The following ZNF521 variants were observed in gnomAD, a reference collection of about 807,000 sequenced individuals.
ZNF521 encodes the protein LYST-interacting protein 3.
Under a neutral mutation model 105.5 loss-of-function variants are expected in ZNF521, and 14 were observed. That is an observed-to-expected ratio of 0.13 (90% CI 0.09 to 0.21). The LOEUF is 0.21. Among genes scored for constraint, ZNF521 ranks in the 10% least tolerant of loss-of-function variants. The pLI, the probability that ZNF521 is intolerant of heterozygous loss-of-function variation, is 1.00. For missense variants in ZNF521, 1,233 were observed against 1,629.7 expected (o/e 0.76, Z 4.19); for synonymous variants, 635 against 606.0 (o/e 1.05, Z -0.70).
chr18:25,296,196 T>C (rs566532700), intron 3 of ZNF521, among the ~76,000 whole-genome samples: 10 of 152,292 alleles, frequency 6.6e-5, no homozygotes, highest in African/African-American at 2.2e-4. Context: ...ATTTACAAAA[T>C]TCTATGTAGC....
intron 7 of ZNF521, among the ~76,000 whole-genome samples, chr18:25,065,252 G>C (rs2033025694): frequency 6.6e-6 from 1 of 152,072 alleles, no homozygotes; most frequent in Non-Finnish European, 1.5e-5. Flanking sequence ...ACCTCCAAAT[G>C]GGAAAATCCA....
chr18:25,270,189 T>G (rs1909556840), intron 3 of ZNF521, among the ~76,000 whole-genome samples: 1 of 152,090 alleles, frequency 6.6e-6, no homozygotes, highest in African/African-American at 2.4e-5. Flanking sequence ...CTAGAAGAAA[T>G]GGATAAATTC....
At chr18:25,248,641 C>T (rs1468835597) in intron 3 of ZNF521, among the ~76,000 whole-genome samples, 1 of 152,134 alleles carries the variant, frequency 6.6e-6, no homozygotes, top group Non-Finnish European at 1.5e-5. Flanking sequence ...GATAAAGAAC[C>T]TTTACACACC....
intron 5 of ZNF521, among the ~76,000 whole-genome samples, chr18:25,138,644 A>G (rs2034782236): frequency 1.3e-5 from 2 of 152,212 alleles, no homozygotes; most frequent in Admixed American, 1.3e-4. Flanking sequence ...TGATCAAAAA[A>G]TAATAGTTGC....
Position 25,089,564 on chromosome 18 carries a change from G to A in ZNF521, c.3807C>T (p.Asn1269=). Residue 1269 remains asparagine, a synonymous_variant, in exon 7 of 8, where the codon AAC becomes AAT. Transcript: ENST00000361524. ...CAGAGAAAATATGCTGCTGCAACTTGTTTGCTTGAACAAATACTGAAATGA... is the reference window on the plus strand; with the variant it reads ...CAGAGAAAATATGCTGCTGCAACTTATTTGCTTGAACAAATACTGAAATGA... The part of the protein sequence containing the change: ...PVCFTVFVQA[N]KLQQHIFSAH... The A allele has an allele frequency of 1.2e-6, 2 of 1,613,790 alleles. No individual in the cohort carries two copies. The highest frequency in any genetic ancestry group is 1.7e-6 in the Non-Finnish European group (2 of 1,179,700).
chr18:25,191,400 T>C (rs1178901008), intron 5 of ZNF521, among the ~76,000 whole-genome samples: 1 of 152,090 alleles, frequency 6.6e-6, no homozygotes, highest in Non-Finnish European at 1.5e-5. Context: ...CCTTTGATCA[T>C]TCCTTTGTCA....
chr18:25,212,859 T>C (rs1820750736), intron 4 of ZNF521, among the ~76,000 whole-genome samples: 1 of 151,538 alleles, frequency 6.6e-6, no homozygotes, highest in African/African-American at 2.4e-5. Flanking sequence ...GTTTTGCTAG[T>C]GAATAAAAAT....
intron 5 of ZNF521, among the ~76,000 whole-genome samples, chr18:25,117,363 A>G (rs1224314148): frequency 6.6e-6 from 1 of 152,086 alleles, no homozygotes; most frequent in Non-Finnish European, 1.5e-5. Flanking sequence ...ATGTATCAGA[A>G]TCCATCGTAT....
intron 3 of ZNF521, among the ~76,000 whole-genome samples, chr18:25,310,176 G>A (rs1373608547): frequency 6.6e-6 from 1 of 152,104 alleles, no homozygotes; most frequent in Non-Finnish European, 1.5e-5. Context: ...AGATGGATGA[G>A]TCTTCATTAC....
chr18:25,349,480 G>C (rs894395268), intron 2 of ZNF521, among the ~76,000 whole-genome samples: 2 of 152,204 alleles, frequency 1.3e-5, no homozygotes, highest in South Asian at 2.1e-4. Context: ...TAGGAAAAAA[G>C]CAAGCGTTCC....
At chr18:25,077,953 TTTACTC>T (rs1053982919) in intron 7 of ZNF521, among the ~76,000 whole-genome samples, 2 of 152,064 alleles carry the variant, frequency 1.3e-5, no homozygotes, top group Non-Finnish European at 2.9e-5. Flanking sequence ...AAAAAAAACA[TTTACTC>T]TGCTCTTCTT....
At chr18:25,107,133 A>T (rs12961566) in intron 5 of ZNF521, among the ~76,000 whole-genome samples, 69,410 of 152,054 alleles carry the variant, frequency 0.46, 16,317 homozygotes, top group South Asian at 0.67. Context: ...ATAGGTTATT[A>T]ATCCTTGCCT....
intron 7 of ZNF521, among the ~76,000 whole-genome samples, chr18:25,074,076 G>A (rs542993441): frequency 6.5e-5 from 9 of 138,712 alleles, no homozygotes; most frequent in Admixed American, 2.8e-4. Context: ...GCGTGTGTGC[G>A]TGCGTGTGTG....
At chr18:25,320,760 G>GCC (rs1912896017) in intron 3 of ZNF521, among the ~76,000 whole-genome samples, 2 of 152,074 alleles carry the variant, frequency 1.3e-5, no homozygotes, top group Non-Finnish European at 2.9e-5. Context: ...TTGCTCCCTA[G>GCC]AAGCATATAT....
intron 5 of ZNF521, among the ~76,000 whole-genome samples, chr18:25,142,557 G>A (rs2034868778): frequency 6.6e-6 from 1 of 151,974 alleles, no homozygotes; most frequent in South Asian, 2.1e-4. Context: ...CTTTTCTGAT[G>A]ACAAGGAGAA....
chr18:25,329,339 C>T (rs1203508182), intron 2 of ZNF521, among the ~76,000 whole-genome samples: 1 of 152,110 alleles, frequency 6.6e-6, no homozygotes, highest in Non-Finnish European at 1.5e-5. Flanking sequence ...CATGACAAGG[C>T]CTGACTGGCA....
rs2033456378 is a variant in ZNF521 at position 25,079,987 on chromosome 18, A to G, written c.3906+9478T>C. Among the ~76,000 whole-genome samples, 3 of 152,232 alleles carry G rather than the reference A, an allele frequency of 2.0e-5. No homozygotes were observed. The South Asian group carries it at 6.2e-4, about 32-fold the overall frequency. The stretch of plus-strand genomic sequence containing the variant: ...ACAATTATAAAATTAAGTTTTGGCA[A>G]TGTGAAAAAGGAAGTCTTTTATGGG... On this transcript the variant is annotated intron_variant, in intron 7 of 7. Coordinates refer to ENST00000361524, the MANE Select transcript of ZNF521 (RefSeq NM_015461.3).
intron 4 of ZNF521, among the ~76,000 whole-genome samples, chr18:25,204,241 T>C (rs377574612): frequency 4.6e-5 from 7 of 152,284 alleles, no homozygotes; most frequent in Admixed American, 4.6e-4. Context: ...CTAAACTCCA[T>C]GAAGATATAA....
At chr18:25,155,354 C>A (rs1286551786) in intron 5 of ZNF521, among the ~76,000 whole-genome samples, 1 of 152,104 alleles carries the variant, frequency 6.6e-6, no homozygotes, top group Non-Finnish European at 1.5e-5. Context: ...TCTAGCAATT[C>A]CCTTTTCATT....
Sources: allele counts gnomAD v4.1 joint callset (sites outside exome capture counted in the v4.1 genomes callset), GRCh38; gene constraint gnomAD v4.1.1; transcripts MANE v1.5; gene names NCBI Gene and HGNC (gene_info 2026-07-23, HGNC 2026-07-21).